Variants in ELMO1 observed in about 807,000 individuals in gnomAD.
The protein encoded by ELMO1 is engulfment and cell motility protein 1.
ELMO1 carries 26 observed loss-of-function variants against 98.9 expected under a neutral mutation model. The observed-to-expected ratio is 0.26, with a 90% confidence interval of 0.19 to 0.36. The LOEUF is 0.36. Ranked by LOEUF, ELMO1 falls within the 10% of genes least tolerant of loss-of-function variation. The probability of loss-of-function intolerance (pLI) is 1.00; values close to 1 mark genes in which losing one functional copy is unlikely to be tolerated. For synonymous variants in ELMO1, 346 were observed against 346.0 expected (o/e 1.00, Z 0.00); for missense variants, 627 against 935.2 (o/e 0.67, Z 4.30).
intron 14 of ELMO1, among the ~76,000 whole-genome samples, chr7:37,124,884 T>A (rs966616631): frequency 1.3e-5 from 2 of 152,222 alleles, no homozygotes; most frequent in African/African-American, 4.8e-5. Context: ...GACTTCAAAC[T>A]ATACTATAAG....
At chr7:37,435,487 T>C (rs1035948482) in intron 1 of ELMO1, among the ~76,000 whole-genome samples, 2 of 152,234 alleles carry the variant, frequency 1.3e-5, no homozygotes, top group African/African-American at 4.8e-5. Context: ...AACTCAACAT[T>C]AAAACTACTG....
In ELMO1 at chr7:37,048,283, C is replaced by T. The variant is rs554197183; in HGVS notation, c.1301-34848G>A. On this transcript the variant is annotated intron_variant, in intron 15 of 21. Coordinates refer to ENST00000310758, the MANE Select transcript of ELMO1 (RefSeq NM_014800.11). The stretch of plus-strand genomic sequence containing the variant: ...TGCCCTGGGGCACAAAACCAACACT[C>T]ACTGAGAGTCACTAATTTACACAGT... Among the ~76,000 whole-genome samples, 29 of 152,356 alleles carry T rather than the reference C, an allele frequency of 1.9e-4. 1 individual carries two copies. In the South Asian group the frequency reaches 5.8e-3, roughly 30 times the overall value.
chr7:37,380,311 T>G (rs1802532100), intron 1 of ELMO1, among the ~76,000 whole-genome samples: 1 of 152,240 alleles, frequency 6.6e-6, no homozygotes, highest in Admixed American at 6.5e-5. Flanking sequence ...TCCAATACAC[T>G]ATACACACCA....
At chr7:37,164,128 A>C (rs1278124274) in intron 13 of ELMO1, among the ~76,000 whole-genome samples, 1 of 152,146 alleles carries the variant, frequency 6.6e-6, no homozygotes, top group East Asian at 1.9e-4. Flanking sequence ...TGGCTGCATA[A>C]ATGTCTTCTT....
At chr7:37,329,254 CTT>C (rs1319831392) in intron 2 of ELMO1, among the ~76,000 whole-genome samples, 1 of 152,158 alleles carries the variant, frequency 6.6e-6, no homozygotes, top group Non-Finnish European at 1.5e-5. Flanking sequence ...ATAGACAACT[CTT>C]TTAGTTTTAT....
In ELMO1 at chr7:37,000,153, T is replaced by C. The variant is rs137958640; in HGVS notation, c.1437+13146A>G. 6.8e-3 allele frequency among the ~76,000 whole-genome samples: 1,029 copies of C among 152,344 alleles called. 13 individuals carry two copies. Among genetic ancestry groups the C allele is most frequent in the African/African-American group, 0.024 (984 of 41,572 alleles). On this transcript the variant is annotated intron_variant, in intron 16 of 21. Coordinates refer to ENST00000310758, the MANE Select transcript of ELMO1 (RefSeq NM_014800.11). ...GGCAAAAGTATGTCCATTTTATATATACTTGTTGTGGCAATAAATACATTT... is the reference window on the plus strand; with the variant it reads ...GGCAAAAGTATGTCCATTTTATATACACTTGTTGTGGCAATAAATACATTT...
intron 10 of ELMO1, among the ~76,000 whole-genome samples, chr7:37,220,034 T>C (rs1313826086): frequency 6.6e-6 from 1 of 152,258 alleles, no homozygotes; most frequent in Non-Finnish European, 1.5e-5. Context: ...GACTAAGGCA[T>C]ACAAGCTCAG....
chr7:37,438,154 G>A (rs1805228575), intron 1 of ELMO1, among the ~76,000 whole-genome samples: 1 of 151,982 alleles, frequency 6.6e-6, no homozygotes, highest in South Asian at 2.1e-4. Context: ...TTGTTTTCTT[G>A]AAGAAAAGAC....
At chr7:37,155,500 A>T (rs201112734) in intron 13 of ELMO1, among the ~76,000 whole-genome samples, 2 of 43,808 alleles carry the variant, frequency 4.6e-5, no homozygotes, top group Non-Finnish European at 8.2e-5. Flanking sequence ...AAAAAAAAAA[A>T]AAAAAAAAGC....
intron 16 of ELMO1, among the ~76,000 whole-genome samples, chr7:36,921,120 C>A (rs1031035682): frequency 6.6e-6 from 1 of 152,168 alleles, no homozygotes; most frequent in Non-Finnish European, 1.5e-5. Context: ...TGCCAGGCAC[C>A]ACATTTGCTG....
intron 15 of ELMO1, among the ~76,000 whole-genome samples, chr7:37,022,049 T>C (rs957016683): frequency 1.1e-4 from 16 of 152,226 alleles, no homozygotes; most frequent in African/African-American, 3.9e-4. Context: ...CAGTTGTATA[T>C]GCATCTGGAA....
chr7:37,216,716 C>G, intron 10 of ELMO1, 21 bp from the exon 11 acceptor site: 2 of 1,608,592 alleles, frequency 1.2e-6, no homozygotes, highest in Non-Finnish European at 1.7e-6. Context: ...AAAACACACC[C>G]ACACAAAGGC....
chr7:37,338,651 G>A (rs143697314), intron 2 of ELMO1, among the ~76,000 whole-genome samples: 1 of 152,226 alleles, frequency 6.6e-6, no homozygotes, highest in African/African-American at 2.4e-5. Flanking sequence ...CCAGACTCTT[G>A]ACCGAGAAAC....
chr7:37,132,749 C>A (rs1307951632), intron 14 of ELMO1, among the ~76,000 whole-genome samples: 2 of 152,114 alleles, frequency 1.3e-5, no homozygotes, highest in Admixed American at 1.3e-4. Flanking sequence ...CTCTTTGTTT[C>A]TGTTTATCTT....
chr7:36,949,544 A>G (rs1159603696), intron 16 of ELMO1, among the ~76,000 whole-genome samples: 3 of 151,598 alleles, frequency 2.0e-5, no homozygotes, highest in Non-Finnish European at 2.9e-5. Flanking sequence ...GGGTTCTTCA[A>G]CCTTGGCACT....
intron 5 of ELMO1, among the ~76,000 whole-genome samples, chr7:37,265,232 T>G (rs1185789466): frequency 6.6e-6 from 1 of 152,058 alleles, no homozygotes; most frequent in African/African-American, 2.4e-5. Context: ...GGACCCTGTT[T>G]CCTATCAGAA....
intron 15 of ELMO1, 187 bp from the exon 16 acceptor site, chr7:37,013,622 C>T (rs1793717785): frequency 3.2e-6 from 2 of 621,282 alleles, no homozygotes. Flanking sequence ...AGTTTAAGGC[C>T]AGATAGTCAG....
chr7:37,112,048 ATCT>A (rs1421341881), intron 14 of ELMO1, among the ~76,000 whole-genome samples: 1 of 152,122 alleles, frequency 6.6e-6, no homozygotes. Flanking sequence ...TTCAGTTTTG[ATCT>A]TCTGAAAAAT....
chr7:36,913,760 T>C (rs1005151133), intron 16 of ELMO1, among the ~76,000 whole-genome samples: 1 of 152,204 alleles, frequency 6.6e-6, no homozygotes, highest in African/African-American at 2.4e-5. Context: ...TGCTATAGTT[T>C]CTGGGTACTG....
Sources: gnomAD v4.1 joint callset for allele counts (sites outside exome capture counted in the v4.1 genomes callset) on GRCh38, gnomAD v4.1.1 for gene constraint, MANE v1.5 for transcripts, NCBI Gene and HGNC (gene_info 2026-07-23, HGNC 2026-07-21) for gene names.